Variants in TRPS1 observed in about 807,000 individuals in gnomAD.
TRPS1 encodes zinc finger transcription factor Trps1.
TRPS1 carries 6 observed loss-of-function variants against 101.2 expected under a neutral mutation model. The ratio of observed to expected loss-of-function variants is 0.06; its 90% CI spans 0.03 to 0.12. The LOEUF is 0.12. TRPS1 is among the 10% of genes least tolerant of loss of function. The pLI, the probability that TRPS1 is intolerant of heterozygous loss-of-function variation, is 1.00. For missense variants in TRPS1, 1,363 were observed against 1,567.0 expected (o/e 0.87, Z 2.20); for synonymous variants, 578 against 589.8 (o/e 0.98, Z 0.29).
chr8:115,501,457 T>C (rs1179060615), intron 5 of TRPS1, among the ~76,000 whole-genome samples: 4 of 152,224 alleles, frequency 2.6e-5, no homozygotes, highest in Non-Finnish European at 5.9e-5. Flanking sequence ...ATTTCAAGTA[T>C]GTCCACTTTT....
chr8:115,535,453 G>GCATATATAGCATATACATATCACA (rs1816289836), intron 5 of TRPS1, among the ~76,000 whole-genome samples: 2 of 147,538 alleles, frequency 1.4e-5, no homozygotes, highest in Admixed American at 6.8e-5. Flanking sequence ...CGTATATAGT[G>GCATATATAGCATATACATATCACA]CATATATAGC....
intron 2 of TRPS1, among the ~76,000 whole-genome samples, chr8:115,622,937 A>T (rs1320139071): frequency 1.3e-5 from 2 of 152,168 alleles, no homozygotes; most frequent in African/African-American, 2.4e-5. Context: ...AGATCTAAAT[A>T]CATTAGTATT....
chr8:115,637,226 T>C (rs1818790334), intron 1 of TRPS1: 1 of 983,720 alleles, frequency 1.0e-6, no homozygotes, highest in Non-Finnish European at 1.2e-6. Context: ...TTAAACCAAA[T>C]GGCTCACATG....
chr8:115,557,329 G>A (rs1175808070), intron 5 of TRPS1, among the ~76,000 whole-genome samples: 1 of 152,058 alleles, frequency 6.6e-6, no homozygotes, highest in Non-Finnish European at 1.5e-5. Context: ...TCAAAAGATG[G>A]TAAGTCATGA....
In TRPS1 at chr8:115,532,997, G is replaced by A. The variant is rs533472281; in HGVS notation, c.2700+54004C>T. On this transcript the variant is annotated intron_variant, in intron 5 of 6. Coordinates refer to ENST00000395715, the MANE Select transcript of TRPS1 (RefSeq NM_014112.5). ...GAGAAGTTCAGCAGCTATTGTGAGA[G>A]TTTAGAAAAGAGAACACGGTCTAAA... is the stretch of plus-strand genomic sequence containing the variant. Among the ~76,000 whole-genome samples the A allele has an allele frequency of 2.0e-5, 3 of 152,296 alleles. 1 individual carries two copies. In the East Asian group the frequency reaches 5.8e-4, roughly 29 times the overall value.
chr8:115,466,811 A>C (rs1814330654), intron 5 of TRPS1, among the ~76,000 whole-genome samples: 1 of 152,054 alleles, frequency 6.6e-6, no homozygotes, highest in Non-Finnish European at 1.5e-5. Flanking sequence ...TTAACTCCTC[A>C]ACTTTCATAA....
intron 3 of TRPS1, among the ~76,000 whole-genome samples, chr8:115,611,916 A>C (rs1818177631): frequency 6.6e-6 from 1 of 152,238 alleles, no homozygotes; most frequent in Non-Finnish European, 1.5e-5. Context: ...TTAATGTCTT[A>C]TTGGAGAGCT....
chr8:115,658,600 T>C (rs1197042590), intron 1 of TRPS1, among the ~76,000 whole-genome samples: 1 of 152,156 alleles, frequency 6.6e-6, no homozygotes, highest in Non-Finnish European at 1.5e-5. Flanking sequence ...ACTCTCATTT[T>C]TAAAGTGTTA....
chr8:115,643,324 C>T (rs923545692), intron 1 of TRPS1, among the ~76,000 whole-genome samples: 3 of 152,140 alleles, frequency 2.0e-5, no homozygotes, highest in African/African-American at 7.2e-5. Flanking sequence ...ATTTTACCCA[C>T]GCTAGAACTT....
At chr8:115,441,855 C>A (rs1813600895) in intron 5 of TRPS1, among the ~76,000 whole-genome samples, 1 of 146,066 alleles carries the variant, frequency 6.8e-6, no homozygotes, top group Admixed American at 6.9e-5. Context: ...GATAGGTCTC[C>A]CAATTGAGAG....
intron 1 of TRPS1, among the ~76,000 whole-genome samples, chr8:115,645,536 C>T (rs1008757557): frequency 1.3e-5 from 2 of 152,010 alleles, no homozygotes; most frequent in African/African-American, 4.8e-5. Context: ...ATTAAAACAA[C>T]CTACTGAAAA....
intron 4 of TRPS1, among the ~76,000 whole-genome samples, chr8:115,599,470 C>T (rs1817860637): frequency 6.6e-6 from 1 of 151,948 alleles, no homozygotes; most frequent in Non-Finnish European, 1.5e-5. Flanking sequence ...AGGTATTTGT[C>T]CTAATGCTCT....
At chr8:115,623,463 G>T (rs1474915375) in intron 2 of TRPS1, 138 bp downstream of exon 2, 2 of 915,406 alleles carry the variant, frequency 2.2e-6, no homozygotes, top group Non-Finnish European at 3.3e-6. Flanking sequence ...CCCCTAGCGA[G>T]TCGTAAGTTA....
intron 5 of TRPS1, among the ~76,000 whole-genome samples, chr8:115,477,070 TC>T (rs1473411007): frequency 3.9e-5 from 6 of 152,232 alleles, no homozygotes; most frequent in African/African-American, 1.2e-4. Flanking sequence ...ATCCTCTTCA[TC>T]CACATCCTAT....
At chr8:115,519,796 G>A (rs1220270737) in intron 5 of TRPS1, among the ~76,000 whole-genome samples, 2 of 151,606 alleles carry the variant, frequency 1.3e-5, no homozygotes, top group African/African-American at 4.8e-5. Context: ...TAAGATTACA[G>A]AGTGAAGTTC....
intron 4 of TRPS1, among the ~76,000 whole-genome samples, chr8:115,589,285 G>C (rs941197359): frequency 1.6e-4 from 25 of 152,242 alleles, no homozygotes; most frequent in African/African-American, 5.8e-4. Flanking sequence ...CTGGGGAGTA[G>C]GTGCTCAAAT....
intron 5 of TRPS1, among the ~76,000 whole-genome samples, chr8:115,476,955 CAAT>C (rs1182876441): frequency 1.5e-4 from 23 of 152,248 alleles, no homozygotes; most frequent in South Asian, 4.1e-4. Context: ...TCAAAAACAA[CAAT>C]AATTATAGCC....
rs1813130233 is a variant in TRPS1, at chr8:115,423,975, G to T, written c.2701-5523C>A. ...TGATTAATATGAAGTAAATTTGATT[G>T]AATGATTTATTAAAGTGGCTTAACA... is the stretch of plus-strand genomic sequence containing the variant. On this transcript the variant is annotated intron_variant, in intron 5 of 6. Transcript: ENST00000395715. 2.6e-5 allele frequency among the ~76,000 whole-genome samples: 4 copies of T among 152,250 alleles called. No individual in the cohort carries two copies. The South Asian group carries it at 6.2e-4, about 24-fold the overall frequency.
At chr8:115,666,311 TA>T (rs1434785160) in intron 1 of TRPS1, among the ~76,000 whole-genome samples, 1 of 151,996 alleles carries the variant, frequency 6.6e-6, no homozygotes, top group Admixed American at 6.6e-5. Context: ...AAAATGTTGG[TA>T]TCATTTCCAG....
Sources: gnomAD v4.1 joint callset for allele counts (sites outside exome capture counted in the v4.1 genomes callset) on GRCh38, gnomAD v4.1.1 for gene constraint, MANE v1.5 for transcripts, NCBI Gene and HGNC (gene_info 2026-07-23, HGNC 2026-07-21) for gene names.